ELAPOR1: variants seen among roughly 807,000 people sequenced by gnomAD.
ELAPOR1 encodes endosome/lysosome-associated apoptosis and autophagy regulator 1.
Under a neutral mutation model 119.7 loss-of-function variants are expected in ELAPOR1, and 77 were observed. The observed-to-expected ratio is 0.64, with a 90% CI of 0.54 to 0.78. The LOEUF (loss-of-function observed/expected upper bound fraction) is 0.78, where lower values mean the gene tolerates loss of function less well. Ranked by LOEUF, ELAPOR1 falls within the 30% of genes least tolerant of loss-of-function variation. The pLI is 0.00. For synonymous variants in ELAPOR1, 481 were observed against 487.2 expected (o/e 0.99, Z 0.17); for missense variants, 1,115 against 1,270.4 (o/e 0.88, Z 1.86).
intron 1 of ELAPOR1, among the ~76,000 whole-genome samples, chr1:109,135,707 T>A (rs1373779958): frequency 6.6e-6 from 1 of 152,216 alleles, no homozygotes; most frequent in Non-Finnish European, 1.5e-5. Context: ...CCGTAGCTTA[T>A]ATACCAGCTG....
At chr1:109,161,854 C>T (rs1385651212) in intron 1 of ELAPOR1, 40 bp from the exon 2 acceptor site, 1 of 1,586,272 alleles carries the variant, frequency 6.3e-7, no homozygotes, top group Non-Finnish European at 8.6e-7. Context: ...TGTTTGATCA[C>T]TGCTAATGCA....
Position 109,114,166 on chromosome 1 carries a change from C to A in ELAPOR1, c.-18C>A. 1 of 1,540,246 alleles carries A rather than the reference C, an allele frequency of 6.5e-7. No individual in the cohort carries two copies. The highest frequency in any genetic ancestry group is 2.0e-5 in the Admixed American group (1 of 49,372). On this transcript the variant is annotated 5_prime_UTR_variant, in exon 1 of 22. Transcript: ENST00000369939. Reference sequence around the variant, plus strand: ...CGCAGCACCTGAGCCGCTACTGCCGCTCACTCAGGACAACGCTATGGCTGA... The same window carrying A: ...CGCAGCACCTGAGCCGCTACTGCCGATCACTCAGGACAACGCTATGGCTGA...
intron 14 of ELAPOR1, among the ~76,000 whole-genome samples, chr1:109,193,631 T>G (rs1653588778): frequency 6.6e-6 from 1 of 152,256 alleles, no homozygotes; most frequent in South Asian, 2.1e-4. Context: ...TACTTATGAC[T>G]AAAAGCTTTT....
At chr1:109,172,669 C>A in intron 5 of ELAPOR1, 101 bp downstream of exon 5, 1 of 795,698 alleles carries the variant, frequency 1.3e-6, no homozygotes, top group Non-Finnish European at 2.1e-6. Context: ...ACCCCAATGT[C>A]CCTGGAGGGC....
At chr1:109,167,332 C>T (rs1040839126) in intron 3 of ELAPOR1, among the ~76,000 whole-genome samples, 6 of 152,124 alleles carry the variant, frequency 3.9e-5, no homozygotes, top group African/African-American at 9.7e-5. Flanking sequence ...GGGCCTGCAT[C>T]TTAAGGCATC....
intron 7 of ELAPOR1, among the ~76,000 whole-genome samples, chr1:109,179,887 CAA>C (rs1652592248): frequency 6.6e-6 from 1 of 151,950 alleles, no homozygotes; most frequent in South Asian, 2.1e-4. Flanking sequence ...GCCTGGGTGA[CAA>C]GAGGGAAACT....
intron 7 of ELAPOR1, among the ~76,000 whole-genome samples, chr1:109,183,822 C>T (rs1211147203): frequency 1.3e-5 from 2 of 151,966 alleles, no homozygotes; most frequent in African/African-American, 2.4e-5. Flanking sequence ...TGCTATGTTG[C>T]CCAGGCTGGT....
chr1:109,114,217 G>T lies in ELAPOR1; in HGVS notation c.34G>T (p.Ala12Ser), dbSNP rs1558008355. ...AEPGHSHHLSARVRGRTERRI... is the reference protein window; with the variant it reads ...AEPGHSHHLSSRVRGRTERRI... The stretch of plus-strand genomic sequence containing the variant: ...GCCTGGGCACAGCCACCATCTCTCC[G>T]CCAGAGTCAGGGGAAGAACTGAGAG... The change falls in exon 1 of 22, where the codon GCC (alanine) becomes TCC (serine). Residue 12 changes from alanine (A) to serine (S), a missense_variant. Ala to Ser is a moderately conservative substitution (Grantham distance 99). Transcript: ENST00000369939. 1 of 1,604,252 alleles carries T rather than the reference G, an allele frequency of 6.2e-7. No homozygotes were observed.
At chr1:109,144,196 A>G in intron 1 of ELAPOR1, among the ~76,000 whole-genome samples, 1 of 149,722 alleles carries the variant, frequency 6.7e-6, no homozygotes, top group Non-Finnish European at 1.5e-5. Flanking sequence ...AGTAGCTGGG[A>G]TTACAGGCAT....
At chr1:109,122,002 G>A (rs1289797154) in intron 1 of ELAPOR1, among the ~76,000 whole-genome samples, 7 of 151,454 alleles carry the variant, frequency 4.6e-5, no homozygotes, top group Admixed American at 4.0e-4. Context: ...TCAAACTCCT[G>A]ACCTTGTGAT....
Position 109,174,413 on chromosome 1 carries a change from T to TAAAAAAAAAAA in ELAPOR1, c.952+601_952+611dup, listed in dbSNP as rs59275691. ...GGGTGACAGAGTAAGACCCTGTCTCTAAAAAAAAAAAAAAAAAAAAAAAAA... is the reference window on the plus strand; with the variant it reads ...GGGTGACAGAGTAAGACCCTGTCTCTAAAAAAAAAAAAAAAAAAAAAAAAAAAAAAAAAAAA... On this transcript the variant is annotated intron_variant, in intron 7 of 21. Transcript: ENST00000369939. Among the ~76,000 whole-genome samples, 10 of 42,044 alleles carry TAAAAAAAAAAA rather than the reference T, an allele frequency of 2.4e-4. 1 individual carries two copies. Among genetic ancestry groups the TAAAAAAAAAAA allele is most frequent in the Admixed American group, 1.4e-3 (3 of 2,090 alleles). 27.6% of individuals were successfully genotyped at this position (42,044 alleles called of 152,430 possible). A position where few individuals can be genotyped will look rare whatever the true frequency, so the allele number is the denominator to read the frequency against.
chr1:109,200,013 G>T (rs1374521227), intron 19 of ELAPOR1, 33 bp downstream of exon 19: 1 of 1,613,586 alleles, frequency 6.2e-7, no homozygotes, highest in Non-Finnish European at 8.5e-7. Flanking sequence ...ACTTCCATGA[G>T]AGAAGGGAAT....
intron 1 of ELAPOR1, among the ~76,000 whole-genome samples, chr1:109,155,735 G>A (rs1343163589): frequency 1.3e-5 from 2 of 152,160 alleles, no homozygotes; most frequent in African/African-American, 4.8e-5. Context: ...AAGCGTGAGG[G>A]AACACCACAG....
Position 109,197,757 on chromosome 1 carries a change from GC to G in ELAPOR1, c.2302+107del, listed in dbSNP as rs1653919305. 4 of 1,304,576 alleles carry G rather than the reference GC, an allele frequency of 3.1e-6. No individual in the cohort carries two copies. The South Asian group carries it at 5.9e-5, about 19-fold the overall frequency. The allele number at this position is 1,304,576 out of a possible 1,614,324, so 80.8% of individuals were successfully genotyped here. Reference sequence around the variant, plus strand: ...AGGTTACCAGTCTGGGAGGTAAAAGGCCCCACATGAGGGGCCCAACCTCTTG... The same window carrying G: ...AGGTTACCAGTCTGGGAGGTAAAAGGCCCACATGAGGGGCCCAACCTCTTG... On this transcript the variant is annotated intron_variant, in intron 16 of 21. Coordinates refer to ENST00000369939, the MANE Select transcript of ELAPOR1 (RefSeq NM_020775.5).
At chr1:109,151,039 A>G (rs1168623745) in intron 1 of ELAPOR1, among the ~76,000 whole-genome samples, 1 of 152,198 alleles carries the variant, frequency 6.6e-6, no homozygotes, top group Non-Finnish European at 1.5e-5. Context: ...TATATGGGCA[A>G]TGATCCATGG....
At chr1:109,116,844 C>T (rs1011856249) in intron 1 of ELAPOR1, among the ~76,000 whole-genome samples, 1 of 152,086 alleles carries the variant, frequency 6.6e-6, no homozygotes, top group South Asian at 2.1e-4. Context: ...GCATGTGCAA[C>T]CACACCCGGC....
At chr1:109,146,717 A>C (rs666151) in intron 1 of ELAPOR1, among the ~76,000 whole-genome samples, 88,407 of 151,930 alleles carry the variant, frequency 0.58, 27,600 homozygotes, top group East Asian at 0.92. Flanking sequence ...ATCAAGATGA[A>C]CTTAGATATG....
chr1:109,197,039 C>T (rs1323340058), intron 15 of ELAPOR1, among the ~76,000 whole-genome samples: 3 of 151,930 alleles, frequency 2.0e-5, no homozygotes, highest in Non-Finnish European at 4.4e-5. Context: ...CAGTGGCTCA[C>T]CCCTGTAATC....
intron 1 of ELAPOR1, among the ~76,000 whole-genome samples, chr1:109,153,335 A>T (rs997112776): frequency 6.6e-6 from 1 of 152,192 alleles, no homozygotes; most frequent in Non-Finnish European, 1.5e-5. Flanking sequence ...ATAATTAGAG[A>T]TACAAAGAAA....
Sources: gnomAD v4.1 joint callset for allele counts (sites outside exome capture counted in the v4.1 genomes callset) on GRCh38, gnomAD v4.1.1 for gene constraint, MANE v1.5 for transcripts, NCBI Gene and HGNC (gene_info 2026-07-23, HGNC 2026-07-21) for gene names.